The following UGT1A8 variants were observed in gnomAD, a reference collection of about 807,000 sequenced individuals.
The protein encoded by UGT1A8 is UDP glucuronosyltransferase family 1 member A8, also known as UDP-glucuronosyltransferase 1A8.
In UGT1A8, 39 loss-of-function variants were observed where a neutral mutation model predicts 45.3. The ratio of observed to expected loss-of-function variants is 0.86; its 90% CI spans 0.67 to 1.12. UGT1A8 has a LOEUF of 1.12. Ranked by LOEUF, UGT1A8 falls within the 50% of genes most tolerant of loss-of-function variation. The probability of loss-of-function intolerance (pLI) is 0.00; values close to 1 mark genes in which losing one functional copy is unlikely to be tolerated. For synonymous variants in UGT1A8, 275 were observed against 249.2 expected, an observed-to-expected ratio of 1.10 and a Z score of -0.97; for missense variants, 719 against 664.9, an observed-to-expected ratio of 1.08 and a Z score of -0.90.
At chr2:233,656,249 A>G (rs1174066443) in intron 1 of UGT1A8, among the ~76,000 whole-genome samples, 2 of 152,212 alleles carry the variant, frequency 1.3e-5, no homozygotes, top group African/African-American at 2.4e-5. Flanking sequence ...ATTAGGCCCT[A>G]TACATCAAAA....
At chr2:233,648,331 G>A in intron 1 of UGT1A8, 2 of 493,076 alleles carry the variant, frequency 4.1e-6, no homozygotes, top group South Asian at 4.0e-5. Context: ...CCTCTCGGTG[G>A]TCTTCGCCAG....
At chr2:233,618,696 G>T in intron 1 of UGT1A8, 134 bp downstream of exon 1, 5 of 1,491,178 alleles carry the variant, frequency 3.4e-6, no homozygotes, top group East Asian at 2.3e-5. Flanking sequence ...AGATTATTTT[G>T]TGCCAATTTA....
chr2:233,714,260 AC>A (rs1294161130), intron 1 of UGT1A8, among the ~76,000 whole-genome samples: 1 of 152,230 alleles, frequency 6.6e-6, no homozygotes, highest in Non-Finnish European at 1.5e-5. Flanking sequence ...ATAGAAATTT[AC>A]AATTGTTGAC....
chr2:233,733,391 T>C lies in UGT1A8; in HGVS notation c.856-33643T>C, dbSNP rs547725287. Among the ~76,000 whole-genome samples the C allele has an allele frequency of 1.8e-4, 27 of 152,316 alleles. No homozygotes were observed. In the South Asian group the frequency reaches 5.6e-3, roughly 32 times the overall value. On this transcript the variant is annotated intron_variant, in intron 1 of 4. Coordinates refer to ENST00000373450, the MANE Select transcript of UGT1A8 (RefSeq NM_019076.5). Reference sequence around the variant, plus strand: ...AGGTCATCCTTGTTTTGTGCCAGTTTTCAAAGGGAATGCTTCCAGTTTTCG... The same window carrying C: ...AGGTCATCCTTGTTTTGTGCCAGTTCTCAAAGGGAATGCTTCCAGTTTTCG...
intron 1 of UGT1A8, among the ~76,000 whole-genome samples, chr2:233,644,568 A>G (rs535976961): frequency 1.5e-4 from 23 of 150,430 alleles, no homozygotes; most frequent in African/African-American, 5.6e-4. Context: ...CTCAAAAAAT[A>G]AGAATAAATA....
chr2:233,645,630 T>C (rs2073580439), intron 1 of UGT1A8, among the ~76,000 whole-genome samples: 1 of 152,150 alleles, frequency 6.6e-6, no homozygotes, highest in South Asian at 2.1e-4. Flanking sequence ...GGCAGGGCAG[T>C]CAAATCTTAA....
intron 1 of UGT1A8, chr2:233,708,627 T>C (rs2076026553): frequency 6.6e-6 from 1 of 152,184 alleles, no homozygotes; most frequent in Non-Finnish European, 1.5e-5. Flanking sequence ...AGCGTGTGCC[T>C]GTAGACCTAA....
intron 1 of UGT1A8, among the ~76,000 whole-genome samples, chr2:233,625,957 T>A (rs1278409625): frequency 1.3e-5 from 2 of 151,950 alleles, no homozygotes; most frequent in African/African-American, 4.8e-5. Context: ...TAAGAGGAAG[T>A]CATTCATCAT....
chr2:233,745,363 G>T (rs1011191922), intron 1 of UGT1A8, among the ~76,000 whole-genome samples: 1 of 151,804 alleles, frequency 6.6e-6, no homozygotes, highest in African/African-American at 2.4e-5. Flanking sequence ...ATTTTTTTGA[G>T]ATCTGAGTTC....
intron 1 of UGT1A8, among the ~76,000 whole-genome samples, chr2:233,714,888 A>ATCTTTTTTATTT (rs148944858): frequency 1.7e-4 from 26 of 151,790 alleles, no homozygotes; most frequent in Non-Finnish European, 2.9e-4. Flanking sequence ...AAATTTTTCT[A>ATCTTTTTTATTT]TCTTTTGAGA....
chr2:233,639,397 A>C (rs1300120300), intron 1 of UGT1A8, among the ~76,000 whole-genome samples: 2 of 152,186 alleles, frequency 1.3e-5, no homozygotes, highest in African/African-American at 4.8e-5. Context: ...GATATGGCCC[A>C]ACCACAAAAG....
In UGT1A8 at chr2:233,743,758, G is replaced by T. The variant is rs761738753; in HGVS notation, c.856-23276G>T. 5 of 1,367,210 alleles carry T rather than the reference G, an allele frequency of 3.7e-6. No homozygotes were observed. In the Admixed American group the frequency reaches 9.5e-5, roughly 26 times the overall value. 84.7% of individuals were successfully genotyped at this position (1,367,210 alleles called of 1,614,324 possible). ...GTTTCTTGGCGTCCGACAACACCTCGTAGGCCTCGGCCACCTGCTTGAATC... is the reference window on the plus strand; with the variant it reads ...GTTTCTTGGCGTCCGACAACACCTCTTAGGCCTCGGCCACCTGCTTGAATC... On this transcript the variant is annotated intron_variant, in intron 1 of 4. Coordinates refer to ENST00000373450, the MANE Select transcript of UGT1A8 (RefSeq NM_019076.5).
chr2:233,637,417 C>T, intron 1 of UGT1A8: 2 of 1,553,490 alleles, frequency 1.3e-6, no homozygotes, highest in Middle Eastern at 1.7e-4. Flanking sequence ...AATAATCTGG[C>T]TTTGGAAATT....
intron 1 of UGT1A8, chr2:233,691,746 C>A: frequency 1.7e-6 from 1 of 577,624 alleles, no homozygotes; most frequent in Non-Finnish European, 2.2e-6. Context: ...AGATACCAGG[C>A]TTTCTGACTC....
chr2:233,665,478 T>G (rs552210006), intron 1 of UGT1A8, among the ~76,000 whole-genome samples: 13 of 152,326 alleles, frequency 8.5e-5, no homozygotes, highest in African/African-American at 2.9e-4. Context: ...AAGTAGTGCC[T>G]TGTACACTTT....
intron 1 of UGT1A8, among the ~76,000 whole-genome samples, chr2:233,737,484 A>G (rs561393011): frequency 6.6e-6 from 1 of 152,316 alleles, no homozygotes; most frequent in East Asian, 1.9e-4. Context: ...TGTCTAGGAA[A>G]GGGAAATCCC....
intron 1 of UGT1A8, chr2:233,708,393 T>C (rs2076016604): frequency 6.6e-6 from 1 of 152,236 alleles, no homozygotes; most frequent in Admixed American, 6.5e-5. Context: ...TGTGTGTGTT[T>C]ACTTTCATCA....
Position 233,662,323 on chromosome 2 carries a change from A to G in UGT1A8, c.855+43761A>G, listed in dbSNP as rs201041039. The stretch of plus-strand genomic sequence containing the variant: ...TTTTTCTTAATTTTTTCACTATTGT[A>G]GGCTATGTGGCTTATCTGCAAGTTT... On this transcript the variant is annotated intron_variant, in intron 1 of 4. Coordinates refer to ENST00000373450, the MANE Select transcript of UGT1A8 (RefSeq NM_019076.5). Among the ~76,000 whole-genome samples, 13 of 152,300 alleles carry G rather than the reference A, an allele frequency of 8.5e-5. No individual in the cohort carries two copies. The East Asian group carries it at 2.5e-3, about 29-fold the overall frequency.
In UGT1A8 at chr2:233,772,599, C is replaced by G. The variant is rs1313882407; in HGVS notation, c.*40C>G. 1 of 1,591,492 alleles carries G rather than the reference C, an allele frequency of 6.3e-7. No homozygotes were observed. Among genetic ancestry groups the G allele is most frequent in the Admixed American group, 1.8e-5 (1 of 56,352 alleles). On this transcript the variant is annotated 3_prime_UTR_variant, in exon 5 of 5. Transcript: ENST00000373450. Reference sequence around the variant, plus strand: ...ATAAGGTAAAATTTTGAACCATTCCCTAGTCATTTCCAAACTTGAAAACAG... The same window carrying G: ...ATAAGGTAAAATTTTGAACCATTCCGTAGTCATTTCCAAACTTGAAAACAG...
Sources: gnomAD v4.1 joint callset for allele counts (sites outside exome capture counted in the v4.1 genomes callset) on GRCh38, gnomAD v4.1.1 for gene constraint, MANE v1.5 for transcripts, NCBI Gene and HGNC (gene_info 2026-07-23, HGNC 2026-07-21) for gene names.